The following ZNF273 variants were observed in gnomAD, a reference collection of about 807,000 sequenced individuals.
ZNF273 encodes the protein zinc finger protein 273.
ZNF273 carries 11 observed loss-of-function variants against 14.9 expected under a neutral mutation model. That is an observed-to-expected ratio of 0.74 (90% confidence interval 0.46 to 1.22). The LOEUF (loss-of-function observed/expected upper bound fraction) is 1.22, where lower values mean the gene tolerates loss of function less well. Ranked by LOEUF, ZNF273 falls within the 50% of genes most tolerant of loss-of-function variation. ZNF273 has a pLI of 0.00. For missense variants in ZNF273, 577 were observed against 660.6 expected, an observed-to-expected ratio of 0.87 and a Z score of 1.39; for synonymous variants, 199 against 223.9, an observed-to-expected ratio of 0.89 and a Z score of 0.99.
intron 1 of ZNF273, among the ~76,000 whole-genome samples, chr7:64,878,058 A>G (rs1458607201): frequency 6.6e-6 from 1 of 151,900 alleles, no homozygotes; most frequent in Non-Finnish European, 1.5e-5. Context: ...GGGTGCGTTT[A>G]AGCGGCGTCT....
chr7:64,903,402 C>G lies in ZNF273; in HGVS notation c.85C>G (p.Pro29Ala). 1 of 1,613,180 alleles carries G rather than the reference C, an allele frequency of 6.2e-7. No individual in the cohort carries two copies. The highest frequency in any genetic ancestry group is 8.5e-7 in the Non-Finnish European group (1 of 1,179,300). ...GRSTAKTPGL[P>A]GSLEMGPLTF... ...ATCCACAGCTAAGACGCCAGGACTC[C>G]CTGGAAGCCTAGAAATGGTGAGAGT... Residue 29 changes from proline to alanine, a missense_variant, in exon 1 of 4, where the codon CCT becomes GCT. Around this residue, in one of 3 missense-constraint regions of ZNF273, gnomAD observed 162 missense variants for 203.5 expected, o/e 0.80. Transcript: ENST00000476120.
chr7:64,895,914 C>T (rs1290411356), intron 3 of ZNF273, among the ~76,000 whole-genome samples: 1 of 151,970 alleles, frequency 6.6e-6, no homozygotes, highest in African/African-American at 2.4e-5. Flanking sequence ...AACTACATCA[C>T]CTAGAAAATG....
In ZNF273 at chr7:64,928,901, C is replaced by G. The variant is rs769759018; in HGVS notation, c.1573C>G (p.Arg525Gly). ...TGAAGAATGTGGCAAAGCTTTTAACCGGTCCTCAAACCTTACTCGACATAA... is the reference window on the plus strand; with the variant it reads ...TGAAGAATGTGGCAAAGCTTTTAACGGGTCCTCAAACCTTACTCGACATAA... ...KCEECGKAFN[R>G]SSNLTRHKKI... Residue 525 changes from arginine to glycine, a missense_variant, in exon 4 of 4, where the codon CGG becomes GGG. Arg to Gly is a moderately radical substitution (Grantham distance 125). Around this residue, in one of 3 missense-constraint regions of ZNF273, gnomAD observed 411 missense variants for 440.4 expected, o/e 0.93. Transcript: ENST00000476120. 11 of 1,613,730 alleles carry G rather than the reference C, an allele frequency of 6.8e-6. No individual in the cohort carries two copies. The highest frequency in any genetic ancestry group is 8.5e-6 in the Non-Finnish European group (10 of 1,179,896).
intron 1 of ZNF273, among the ~76,000 whole-genome samples, chr7:64,886,957 C>T (rs1373944221): frequency 6.6e-6 from 1 of 152,226 alleles, no homozygotes; most frequent in Non-Finnish European, 1.5e-5. Context: ...GGCCTGCACA[C>T]ATTATGATAG....
rs1554386346 is a variant in ZNF273 at position 64,912,830 on chromosome 7, T to TGTTTTTTG, written c.103-4751_103-4750insGTTTTTTG. ...TTTGACTCAGGATTCATTTTAGTTT[T>TGTTTTTTG]TTTTTTTTTTTTTTTTGAGATTGAG... On this transcript the variant is annotated intron_variant, in intron 1 of 3. Transcript: ENST00000476120. Among the ~76,000 whole-genome samples, 24 of 94,288 alleles carry TGTTTTTTG rather than the reference T, an allele frequency of 2.5e-4. 1 individual carries two copies. The highest frequency in any genetic ancestry group is 3.3e-4 in the Non-Finnish European group (14 of 43,056). The allele number at this position is 94,288 out of a possible 152,430, so 61.9% of individuals were successfully genotyped here.
intron 1 of ZNF273, among the ~76,000 whole-genome samples, chr7:64,914,191 T>TTC (rs1793781960): frequency 7.8e-6 from 1 of 128,454 alleles, no homozygotes; most frequent in Non-Finnish European, 1.7e-5. Context: ...TATTTTTTTT[T>TTC]TTTTTTTTTT....
intron 1 of ZNF273, among the ~76,000 whole-genome samples, chr7:64,914,192 T>G (rs1435486517): frequency 5.4e-5 from 7 of 129,000 alleles, no homozygotes; most frequent in Middle Eastern, 3.8e-3. Context: ...ATTTTTTTTT[T>G]TTTTTTTTTT....
chr7:64,928,073 CTTACT>C lies in ZNF273; in HGVS notation c.746_750del (p.Leu249GlnfsTer3). The C allele has an allele frequency of 6.2e-7, 1 of 1,613,596 alleles. No individual in the cohort carries two copies. Among genetic ancestry groups the C allele is most frequent in the South Asian group, 1.1e-5 (1 of 91,032 alleles). ...AAAAGCCTTTAACCAGTTCTCAAATCTTACTAAACATAAGATAATTCATCCTGAAG... is the reference window on the plus strand; with the variant it reads ...AAAAGCCTTTAACCAGTTCTCAAATCAAACATAAGATAATTCATCCTGAAG... On this transcript the variant is annotated frameshift_variant, in exon 4 of 4. Coordinates refer to ENST00000476120, the MANE Select transcript of ZNF273 (RefSeq NM_021148.3). LOFTEE classifies it low-confidence loss of function (END_TRUNC).
intron 1 of ZNF273, among the ~76,000 whole-genome samples, chr7:64,885,860 A>G (rs573111614): frequency 6.6e-6 from 1 of 152,364 alleles, no homozygotes; most frequent in Admixed American, 6.5e-5. Context: ...GGGAAGGCCC[A>G]GATCAGATCT....
At chr7:64,911,005 A>G (rs923851615) in intron 1 of ZNF273, among the ~76,000 whole-genome samples, 2 of 151,888 alleles carry the variant, frequency 1.3e-5, no homozygotes, top group African/African-American at 4.8e-5. Context: ...ACCCCAGGTG[A>G]TCCACCCACC....
chr7:64,918,812 T>C (rs1207000702), intron 3 of ZNF273, among the ~76,000 whole-genome samples: 1 of 152,108 alleles, frequency 6.6e-6, no homozygotes, highest in Admixed American at 6.6e-5. Flanking sequence ...GATTCTACTT[T>C]CCCTTCAGTG....
intron 1 of ZNF273, among the ~76,000 whole-genome samples, chr7:64,915,755 C>T (rs994690080): frequency 6.6e-6 from 1 of 152,192 alleles, no homozygotes; most frequent in African/African-American, 2.4e-5. Flanking sequence ...GGCCTGTTTC[C>T]AACAAGCTGG....
At chr7:64,912,842 T>TTTTTTTTTTTTTTTTTG in intron 1 of ZNF273, among the ~76,000 whole-genome samples, 1 of 107,702 alleles carries the variant, frequency 9.3e-6, no homozygotes, top group Non-Finnish European at 1.9e-5. Flanking sequence ...TTTTTTTTTT[T>TTTTTTTTTTTTTTTTTG]TTTTGAGATT....
At position 64,912,846 on chromosome 7, in the gene ZNF273, T is replaced by TTTG. The variant is rs1562959220; in HGVS notation, c.103-4735_103-4734insTTG. On this transcript the variant is annotated intron_variant, in intron 1 of 3. Coordinates refer to ENST00000476120, the MANE Select transcript of ZNF273 (RefSeq NM_021148.3). ...TTTTAGTTTTTTTTTTTTTTTTTTT[T>TTTG]GAGATTGAGTTTCGCTCTGTCATCC... Among the ~76,000 whole-genome samples the TTTG allele has an allele frequency of 3.4e-4, 33 of 98,270 alleles. 6 individuals are homozygous for TTTG. The highest frequency in any genetic ancestry group is 1.7e-3 in the South Asian group (5 of 2,984). 64.5% of individuals were successfully genotyped at this position (98,270 alleles called of 152,430 possible).
downstream of ZNF273, among the ~76,000 whole-genome samples, chr7:64,883,964 C>T (rs1033087222): frequency 2.0e-5 from 3 of 152,244 alleles, no homozygotes; most frequent in Non-Finnish European, 2.9e-5. Context: ...ATTCCTGTTA[C>T]ATCCGCCAAC....
upstream of ZNF273, among the ~76,000 whole-genome samples, chr7:64,900,712 G>A (rs1562954294): frequency 2.6e-5 from 4 of 152,156 alleles, no homozygotes; most frequent in Admixed American, 1.3e-4. Flanking sequence ...AGCACAACTA[G>A]TCCTAACCAG....
chr7:64,892,898 G>T (rs1344088687), downstream of ZNF273, among the ~76,000 whole-genome samples: 1 of 151,972 alleles, frequency 6.6e-6, no homozygotes, highest in Non-Finnish European at 1.5e-5. Flanking sequence ...GGTCTTAAGT[G>T]GGTCTTCTTC....
chr7:64,891,582 T>C (rs552664096), downstream of ZNF273, among the ~76,000 whole-genome samples: 1 of 152,282 alleles, frequency 6.6e-6, no homozygotes, highest in African/African-American at 2.4e-5. Flanking sequence ...ACAAGCAGCA[T>C]CAGAATTTCT....
At chr7:64,888,833 C>T (rs1230008492) in exon 2 of ZNF273, 2 of 985,744 alleles carry the variant, frequency 2.0e-6, no homozygotes, top group Non-Finnish European at 2.4e-6. Context: ...AAGAAGAAAC[C>T]GTCTGAACAC....
Sources: allele counts gnomAD v4.1 joint callset (sites outside exome capture counted in the v4.1 genomes callset), GRCh38; gene constraint gnomAD v4.1.1; regional missense constraint gnomAD v4.1.1; transcripts MANE v1.5; gene names NCBI Gene and HGNC (gene_info 2026-07-23, HGNC 2026-07-21).